The following CTNNA3 variants were observed in gnomAD, a reference collection of about 807,000 sequenced individuals.
CTNNA3 encodes catenin alpha 3.
A neutral mutation model predicts 95.7 loss-of-function variants in CTNNA3; 76 were observed. The observed-to-expected ratio is 0.79, with a 90% confidence interval of 0.66 to 0.96. The LOEUF (loss-of-function observed/expected upper bound fraction) is 0.96. CTNNA3 is among the 40% of genes least tolerant of loss of function. The pLI is 0.00. For missense variants in CTNNA3, 1,191 were observed against 1,089.8 expected (o/e 1.09, Z -1.31); for synonymous variants, 431 against 374.4 (o/e 1.15, Z -1.74).
intron 5 of CTNNA3, among the ~76,000 whole-genome samples, chr10:67,509,498 A>T (rs1839537828): frequency 6.6e-6 from 1 of 152,138 alleles, no homozygotes; most frequent in African/African-American, 2.4e-5. Context: ...AGCTTCATGC[A>T]TGTCCCTGCA....
intron 15 of CTNNA3, among the ~76,000 whole-genome samples, chr10:65,995,299 G>T (rs138419797): frequency 2.8e-4 from 42 of 151,706 alleles, no homozygotes; most frequent in African/African-American, 9.9e-4. Flanking sequence ...TTTTTGGATT[G>T]TCTTTTGTAG....
intron 3 of CTNNA3, among the ~76,000 whole-genome samples, chr10:67,579,220 C>T (rs1358226699): frequency 1.1e-5 from 1 of 91,064 alleles, no homozygotes; most frequent in Non-Finnish European, 1.9e-5. Context: ...CACCCCATAA[C>T]AGGCCCCAGT....
chr10:66,913,944 C>T (rs1216147797), intron 7 of CTNNA3, among the ~76,000 whole-genome samples: 1 of 152,146 alleles, frequency 6.6e-6, no homozygotes, highest in African/African-American at 2.4e-5. Context: ...GCACCCAGCA[C>T]CCTTTCCCTG....
At chr10:66,893,476 G>A (rs1019336838) in intron 7 of CTNNA3, among the ~76,000 whole-genome samples, 4 of 151,402 alleles carry the variant, frequency 2.6e-5, no homozygotes, top group Non-Finnish European at 4.4e-5. Flanking sequence ...TCAGTCTAAA[G>A]CATAGATTAA....
chr10:67,701,001 C>A (rs771203832), upstream of CTNNA3, among the ~76,000 whole-genome samples: 1 of 151,980 alleles, frequency 6.6e-6, no homozygotes, highest in Non-Finnish European at 1.5e-5. Context: ...GGAGCCAATG[C>A]GATCAACTGG....
intron 10 of CTNNA3, among the ~76,000 whole-genome samples, chr10:66,587,548 C>A (rs1843401879): frequency 6.6e-6 from 1 of 152,130 alleles, no homozygotes; most frequent in Admixed American, 6.5e-5. Context: ...TGGCTCCTCA[C>A]ATGCAGGCAC....
chr10:66,030,805 A>T (rs778424914), intron 15 of CTNNA3, among the ~76,000 whole-genome samples: 4 of 152,192 alleles, frequency 2.6e-5, no homozygotes, highest in Non-Finnish European at 5.9e-5. Flanking sequence ...TGCATCCAAC[A>T]AAGGTCTAAT....
intron 13 of CTNNA3, among the ~76,000 whole-genome samples, chr10:66,106,337 T>TTGTGTGTGTGTGTGTG (rs201326026): frequency 2.1e-5 from 3 of 145,440 alleles, no homozygotes; most frequent in African/African-American, 7.7e-5. Context: ...GTGTGTGTGT[T>TTGTGTGTGTGTGTGTG]TGTGTGTGTG....
intron 13 of CTNNA3, among the ~76,000 whole-genome samples, chr10:66,273,810 G>A (rs529431033): frequency 4.0e-5 from 6 of 151,876 alleles, no homozygotes; most frequent in Non-Finnish European, 7.4e-5. Context: ...GAAAGGGTGA[G>A]AAAAAGAGTA....
chr10:66,981,583 T>A (rs1313693067), intron 7 of CTNNA3, among the ~76,000 whole-genome samples: 1 of 152,228 alleles, frequency 6.6e-6, no homozygotes, highest in Admixed American at 6.5e-5. Context: ...TGTAGCTAAA[T>A]CTAAATCTGC....
At chr10:67,280,792 G>A (rs1173179702) in intron 5 of CTNNA3, among the ~76,000 whole-genome samples, 3 of 152,008 alleles carry the variant, frequency 2.0e-5, no homozygotes, top group African/African-American at 7.3e-5. Flanking sequence ...CCTCAAAATT[G>A]CCTATATTTC....
At chr10:67,555,766 C>T (rs951887095) in intron 3 of CTNNA3, among the ~76,000 whole-genome samples, 2 of 152,090 alleles carry the variant, frequency 1.3e-5, no homozygotes, top group Non-Finnish European at 2.9e-5. Context: ...TGCCTGATTG[C>T]CCTGGCCAGA....
intron 5 of CTNNA3, among the ~76,000 whole-genome samples, chr10:67,483,747 T>A (rs1848334126): frequency 7.0e-6 from 1 of 143,552 alleles, no homozygotes; most frequent in African/African-American, 2.7e-5. Flanking sequence ...ACCCTAAAAC[T>A]TAAAGTATAA....
chr10:66,713,507 CT>C (rs1033740292), intron 9 of CTNNA3, among the ~76,000 whole-genome samples: 1 of 102,676 alleles, frequency 9.7e-6, no homozygotes, highest in Non-Finnish European at 2.0e-5. Flanking sequence ...AAAATGTCAC[CT>C]AGAGTTGGAA....
At chr10:67,236,925 T>C (rs1016107220) in intron 5 of CTNNA3, among the ~76,000 whole-genome samples, 2 of 151,174 alleles carry the variant, frequency 1.3e-5, no homozygotes, top group South Asian at 4.2e-4. Context: ...AGGGTGGATC[T>C]TACTTAAAGA....
chr10:66,908,869 C>T (rs10762120), intron 7 of CTNNA3, among the ~76,000 whole-genome samples: 134,092 of 152,014 alleles, frequency 0.88, 59,367 homozygotes, highest in East Asian at 0.99. Context: ...AGATTGTAAA[C>T]GCCACAAGTG....
chr10:66,359,378 G>T (rs368210314), intron 12 of CTNNA3, among the ~76,000 whole-genome samples: 1 of 152,102 alleles, frequency 6.6e-6, no homozygotes, highest in Admixed American at 6.6e-5. Context: ...ATTATGACTT[G>T]ATTAGCCTCT....
rs1847226775 is a variant in CTNNA3 at position 66,929,014 on chromosome 10, A to G, written c.1048-153490T>C. On this transcript the variant is annotated intron_variant, in intron 7 of 17. Transcript: ENST00000433211. The stretch of plus-strand genomic sequence containing the variant: ...ACTATCAAAAGATGGTGCTAGGTTA[A>G]AGCAGCACCCTGAGCAGTTTCCAGA... Among the ~76,000 whole-genome samples, 6 of 152,338 alleles carry G rather than the reference A, an allele frequency of 3.9e-5. No homozygotes were observed. The South Asian group carries it at 1.2e-3, about 32-fold the overall frequency.
chr10:67,471,564 C>T (rs1459766166), intron 5 of CTNNA3, among the ~76,000 whole-genome samples: 1 of 152,170 alleles, frequency 6.6e-6, no homozygotes, highest in Non-Finnish European at 1.5e-5. Context: ...TTCTGTTTAA[C>T]TCTTCAGAAA....
Sources: allele counts gnomAD v4.1 joint callset (sites outside exome capture counted in the v4.1 genomes callset), GRCh38; gene constraint gnomAD v4.1.1; transcripts MANE v1.5; gene names NCBI Gene and HGNC (gene_info 2026-07-23, HGNC 2026-07-21).